Variants in KAZN observed in about 807,000 individuals in gnomAD.
KAZN encodes the protein kazrin, periplakin interacting protein.
In KAZN, 40 loss-of-function variants were observed where a neutral mutation model predicts 87.4. That is an observed-to-expected ratio of 0.46 (90% CI 0.36 to 0.60). KAZN has a LOEUF of 0.60. KAZN is among the 20% of genes least tolerant of loss of function. KAZN has a pLI of 0.00. For missense variants in KAZN, 898 were observed against 1,073.9 expected (o/e 0.84, Z 2.29); for synonymous variants, 466 against 458.3 (o/e 1.02, Z -0.22).
intron 1 of KAZN, chr1:14,924,205 G>T (rs1658872568): frequency 2.0e-6 from 2 of 981,320 alleles, no homozygotes; most frequent in South Asian, 4.7e-5. Flanking sequence ...CGTCCGGCCG[G>T]ACTGAGAGCC....
intron 2 of KAZN, among the ~76,000 whole-genome samples, chr1:14,245,915 A>G (rs1267656642): frequency 6.6e-6 from 1 of 152,260 alleles, no homozygotes; most frequent in Admixed American, 6.5e-5. Flanking sequence ...AATAGCAAAG[A>G]TATGGAATCA....
intron 2 of KAZN, among the ~76,000 whole-genome samples, chr1:14,368,544 A>C (rs1280665351): frequency 6.6e-6 from 1 of 152,134 alleles, no homozygotes; most frequent in Non-Finnish European, 1.5e-5. Flanking sequence ...AACCCATGGG[A>C]CCTAGAGAAA....
intron 1 of KAZN, among the ~76,000 whole-genome samples, chr1:14,798,446 G>C (rs1340380813): frequency 1.2e-4 from 3 of 24,384 alleles, no homozygotes; most frequent in African/African-American, 4.7e-4. Flanking sequence ...TTTTTTTTTT[G>C]AGACAGAGTC....
intron 2 of KAZN, among the ~76,000 whole-genome samples, chr1:14,239,890 G>A (rs1241042865): frequency 1.3e-5 from 2 of 152,056 alleles, no homozygotes; most frequent in Non-Finnish European, 1.5e-5. Context: ...ATGGGTAGAG[G>A]CCAGTGACAT....
intron 1 of KAZN, among the ~76,000 whole-genome samples, chr1:14,951,231 C>G (rs771408916): frequency 6.6e-6 from 1 of 151,504 alleles, no homozygotes; most frequent in Non-Finnish European, 1.5e-5. Context: ...GTGCCCTAGT[C>G]CACTGGCAAA....
intron 2 of KAZN, among the ~76,000 whole-genome samples, chr1:14,375,166 T>C (rs1304736484): frequency 6.6e-6 from 1 of 152,140 alleles, no homozygotes; most frequent in African/African-American, 2.4e-5. Context: ...AAAATAATAA[T>C]GAAAAAATTG....
At position 14,615,672 on chromosome 1, in the gene KAZN, G is replaced by A. The variant is rs1025189369; in HGVS notation, c.226+16449G>A. Among the ~76,000 whole-genome samples, 3 of 151,786 alleles carry A rather than the reference G, an allele frequency of 2.0e-5. No individual in the cohort carries two copies. The East Asian group carries it at 5.8e-4, about 29-fold the overall frequency. ...CAGAGGGGACTTCTCACTTCCATGA[G>A]GGAAGTGAGGCTTGTGGTTCCAATC... is the stretch of plus-strand genomic sequence containing the variant. On this transcript the variant is annotated intron_variant, in intron 1 of 14. Transcript: ENST00000376030.
At chr1:14,845,454 T>C (rs1257956196) in intron 1 of KAZN, among the ~76,000 whole-genome samples, 3 of 149,260 alleles carry the variant, frequency 2.0e-5, no homozygotes, top group African/African-American at 7.5e-5. Context: ...AGTAAATAGG[T>C]GGATGGATGA....
intron 1 of KAZN, among the ~76,000 whole-genome samples, chr1:14,619,770 A>T (rs1298377915): frequency 6.6e-6 from 1 of 152,220 alleles, no homozygotes; most frequent in African/African-American, 2.4e-5. Context: ...GACATTTTAT[A>T]TAAATAGAAT....
At chr1:14,588,306 G>A (rs1265556049) in intron 2 of KAZN, among the ~76,000 whole-genome samples, 1 of 152,090 alleles carries the variant, frequency 6.6e-6, no homozygotes, top group South Asian at 2.1e-4. Flanking sequence ...AAAGAAAAGA[G>A]GTATATGGTT....
At chr1:14,358,321 T>C (rs1659212434) in intron 2 of KAZN, among the ~76,000 whole-genome samples, 1 of 148,412 alleles carries the variant, frequency 6.7e-6, no homozygotes, top group Non-Finnish European at 1.5e-5. Flanking sequence ...TTCTTCTTTA[T>C]TAGTCTGGCT....
intron 1 of KAZN, among the ~76,000 whole-genome samples, chr1:13,899,027 C>T (rs1639148561): frequency 6.6e-6 from 1 of 152,214 alleles, no homozygotes; most frequent in East Asian, 1.9e-4. Context: ...CACTTCCTGT[C>T]ATTCCGTCCA....
At chr1:14,439,084 A>G (rs1244795768) in intron 2 of KAZN, among the ~76,000 whole-genome samples, 1 of 152,154 alleles carries the variant, frequency 6.6e-6, no homozygotes, top group Non-Finnish European at 1.5e-5. Flanking sequence ...CTCTACTGGG[A>G]TTTCCAATAA....
intron 14 of KAZN, chr1:15,112,745 A>T: frequency 2.0e-6 from 1 of 511,890 alleles, no homozygotes; most frequent in Non-Finnish European, 3.6e-6. Flanking sequence ...AAGCCCCCGC[A>T]GGGCTTCGAG....
At chr1:15,083,238 T>A (rs1458420315) in intron 8 of KAZN, among the ~76,000 whole-genome samples, 1 of 152,220 alleles carries the variant, frequency 6.6e-6, no homozygotes, top group Admixed American at 6.5e-5. Flanking sequence ...TGCAGCCCCT[T>A]TTAGTTGCAA....
At chr1:15,044,270 G>GGGGGGGGGGCCCC in intron 4 of KAZN, 111 bp downstream of exon 4, 1 of 413,324 alleles carries the variant, frequency 2.4e-6, no homozygotes, top group East Asian at 9.1e-5. Context: ...GGTGGGTGGG[G>GGGGGGGGGGCCCC]CAGAGCAGAA....
intron 1 of KAZN, among the ~76,000 whole-genome samples, chr1:14,806,461 C>T (rs910974482): frequency 1.3e-5 from 2 of 152,186 alleles, no homozygotes; most frequent in Non-Finnish European, 2.9e-5. Context: ...CCTGCAGACA[C>T]CTTCTCATTT....
chr1:13,949,969 A>G (rs575342712), intron 1 of KAZN, among the ~76,000 whole-genome samples: 2 of 152,326 alleles, frequency 1.3e-5, no homozygotes, highest in East Asian at 1.9e-4. Flanking sequence ...ATTTGGAGAC[A>G]CTGGGTCCGA....
chr1:14,853,780 A>C (rs1649746102), intron 1 of KAZN, among the ~76,000 whole-genome samples: 1 of 152,198 alleles, frequency 6.6e-6, no homozygotes, highest in Non-Finnish European at 1.5e-5. Context: ...ACCTGTGGTC[A>C]CTTGGCCCAT....
Sources: gnomAD v4.1 joint callset for allele counts (sites outside exome capture counted in the v4.1 genomes callset) on GRCh38, gnomAD v4.1.1 for gene constraint, MANE v1.5 for transcripts, NCBI Gene and HGNC (gene_info 2026-07-23, HGNC 2026-07-21) for gene names.